GEMIN4: variants seen among roughly 807,000 people sequenced by gnomAD.
GEMIN4 encodes gem nuclear organelle associated protein 4.
In GEMIN4, 59 loss-of-function variants were observed where a neutral mutation model predicts 76.8. That is an observed-to-expected ratio of 0.77 (90% CI 0.62 to 0.95). GEMIN4 has a LOEUF of 0.95. Ranked by LOEUF, GEMIN4 falls within the 40% of genes least tolerant of loss-of-function variation. The probability of loss-of-function intolerance (pLI) is 0.00; values close to 1 mark genes in which losing one functional copy is unlikely to be tolerated. For synonymous variants in GEMIN4, 562 were observed against 559.7 expected, an observed-to-expected ratio of 1.00 and a Z score of -0.06; for missense variants, 1,311 against 1,318.9, an observed-to-expected ratio of 0.99 and a Z score of 0.09.
rs751212548 is a variant in GEMIN4, at chr17:744,919, T to C, written c.3124A>G (p.Ile1042Val). Residue 1042 changes from isoleucine to valine, a missense_variant, in exon 2 of 2, where the codon ATC becomes GTC. Around this residue, in one of 2 missense-constraint regions of GEMIN4, gnomAD observed 1,208 missense variants for 1,166.9 expected, o/e 1.04. Transcript: ENST00000319004. Reference sequence around the variant, plus strand: ...GTTTGGCGCCGTTCTTCAGGGCCGATGCCCTCAGCAATGGACTTTAAGAAG... The same window carrying C: ...GTTTGGCGCCGTTCTTCAGGGCCGACGCCCTCAGCAATGGACTTTAAGAAG... ...QRFLKSIAEG[I>V]GPEERRQTLL... is the part of the protein sequence containing the mutation. 8.1e-6 allele frequency: 13 copies of C among 1,613,688 alleles called. No individual in the cohort carries two copies. In the Admixed American group the frequency reaches 1.2e-4, roughly 14 times the overall value.
upstream of GEMIN4, chr17:752,357 A>AG: frequency 8.9e-7 from 1 of 1,120,960 alleles, no homozygotes; most frequent in East Asian, 3.3e-5. Flanking sequence ...GCCTTCCGGC[A>AG]GAGCCCTCCC....
At chr17:748,205 G>A (rs529306082) in intron 1 of GEMIN4, 173 bp from the exon 2 acceptor site, 12 of 598,724 alleles carry the variant, frequency 2.0e-5, no homozygotes, top group East Asian at 8.5e-5. Flanking sequence ...GGACTTGGCC[G>A]AGGAATCCAG....
rs1904723115 is a variant in GEMIN4 at position 751,920 on chromosome 17, G to A, written c.10+213C>T. 4 of 384,302 alleles carry A rather than the reference G, an allele frequency of 1.0e-5. No homozygotes were observed. In the Admixed American group the frequency reaches 1.8e-4, roughly 17 times the overall value. 23.8% of individuals were successfully genotyped at this position (384,302 alleles called of 1,614,324 possible). ...TGCTCCGTGTTTTCAAGCGCAGGGG[G>A]CCGGAGGCGGCAAGACGCGGCCCAA... On this transcript the variant is annotated intron_variant, in intron 1 of 1. Coordinates refer to ENST00000319004, the MANE Select transcript of GEMIN4 (RefSeq NM_015721.3).
Position 747,522 on chromosome 17 carries a change from G to A in GEMIN4, c.521C>T (p.Pro174Leu), listed in dbSNP as rs368043090. The change falls in exon 2 of 2, where the codon CCG becomes CTG. Residue 174 changes from proline to leucine, a missense_variant. Physicochemically the swap from Pro to Leu is moderately conservative, Grantham distance 98 (BLOSUM62 -3). This residue lies in a region of GEMIN4 where 1,208 missense variants were observed against 1,166.9 expected (regional missense o/e 1.04). Transcript: ENST00000319004. Reference protein sequence around the residue: ...WWEVMKHKGHPQDPLLSQFSA... With the variant: ...WWEVMKHKGHLQDPLLSQFSA... Reference sequence around the variant, plus strand: ...AAACTGGGAGAGCAGGGGGTCCTGCGGGTGACCCTTGTGCTTCATCACCTC... The same window carrying A: ...AAACTGGGAGAGCAGGGGGTCCTGCAGGTGACCCTTGTGCTTCATCACCTC... 29 of 1,613,644 alleles carry A rather than the reference G, an allele frequency of 1.8e-5. No individual in the cohort carries two copies. The highest frequency in any genetic ancestry group is 8.8e-5 in the South Asian group (8 of 91,082).
intron 1 of GEMIN4, among the ~76,000 whole-genome samples, chr17:750,948 C>T (rs1904646086): frequency 6.6e-6 from 1 of 152,234 alleles, no homozygotes; most frequent in African/African-American, 2.4e-5. Context: ...AATATAGTCC[C>T]TCCTGACGCT....
At position 746,293 on chromosome 17, in the gene GEMIN4, C is replaced by G; in HGVS notation, c.1750G>C (p.Ala584Pro). ...THKFLAQILT[A>P]FPALRFVEEQ... is the part of the protein sequence containing the mutation. Reference sequence around the variant, plus strand: ...TCCACAAACCTAAGGGCAGGGAAGGCAGTGAGAATCTGGGCCAGGAACTTG... The same window carrying G: ...TCCACAAACCTAAGGGCAGGGAAGGGAGTGAGAATCTGGGCCAGGAACTTG... The change falls in exon 2 of 2, where the codon GCC (alanine) becomes CCC (proline). Residue 584 changes from alanine to proline, a missense_variant. Ala to Pro is a conservative substitution (Grantham distance 27). Transcript: ENST00000319004. This position sits in a 1 kb window ranked among gnomAD's most constrained non-coding sequence, Gnocchi z 4.3. The G allele has an allele frequency of 6.2e-7, 1 of 1,613,756 alleles. No homozygotes were observed. Among genetic ancestry groups the G allele is most frequent in the Non-Finnish European group, 8.5e-7 (1 of 1,179,890 alleles).
rs750243511 is a variant in GEMIN4 at position 746,155 on chromosome 17, A to C, written c.1888T>G (p.Cys630Gly). The C allele has an allele frequency of 1.2e-6, 2 of 1,613,830 alleles. No individual in the cohort carries two copies. The highest frequency in any genetic ancestry group is 1.1e-5 in the South Asian group (1 of 91,088). The change falls in exon 2 of 2, where the codon TGC becomes GGC. Residue 630 changes from cysteine (C) to glycine (G), a missense_variant. Cys to Gly is a radical substitution (Grantham distance 159). This residue lies in a region of GEMIN4 where 1,208 missense variants were observed against 1,166.9 expected (regional missense o/e 1.04). Coordinates refer to ENST00000319004, the MANE Select transcript of GEMIN4 (RefSeq NM_015721.3). The surrounding 1 kb of genome is among the most constrained non-coding windows in gnomAD (Gnocchi z 4.3). ...TGGGGTTTCACGGGACTCATCAGGC[A>C]GTTCAGGAGCTCTAAAAATTGCTTT... The part of the protein sequence containing the change: ...EEKQFLELLN[C>G]LMSPVKPQGI...
At position 744,799 on chromosome 17, in the gene GEMIN4, C is replaced by T. The variant is rs570053573; in HGVS notation, c.*67G>A. 4.3e-5 allele frequency: 65 copies of T among 1,507,330 alleles called. No individual in the cohort carries two copies. The Admixed American group carries it at 7.3e-4, about 17-fold the overall frequency. The allele number at this position is 1,507,330 out of a possible 1,614,324, so 93.4% of individuals were successfully genotyped here. On this transcript the variant is annotated 3_prime_UTR_variant, in exon 2 of 2. Coordinates refer to ENST00000319004, the MANE Select transcript of GEMIN4 (RefSeq NM_015721.3). ...TGTTGAAGCCCAGCTTTTTCGCTCC[C>T]GCACAGGTAAGAAGCTGCTGATCTT...
chr17:750,641 G>A (rs908781705), intron 1 of GEMIN4, among the ~76,000 whole-genome samples: 6 of 152,142 alleles, frequency 3.9e-5, no homozygotes, highest in Non-Finnish European at 7.3e-5. Context: ...AGTGAGAGAT[G>A]CTACTCCTTC....
chr17:746,041 C>G lies in GEMIN4; in HGVS notation c.2002G>C (p.Asp668His), dbSNP rs1974394651. ...PFLRLDVEEVDLSLRIFIQTL... is the reference protein window; with the variant it reads ...PFLRLDVEEVHLSLRIFIQTL... The stretch of plus-strand genomic sequence containing the variant: ...TGGATGAAGATCCTCAGACTGAGGT[C>G]TACCTCTTCAACATCTAACCTCAAG... Residue 668 changes from aspartate to histidine, a missense_variant, in exon 2 of 2, where the codon GAC becomes CAC. By Grantham distance (81) the Asp-to-His change is moderately conservative. Transcript: ENST00000319004. The surrounding 1 kb of genome is among the most constrained non-coding windows in gnomAD (Gnocchi z 4.3). 1 of 1,613,792 alleles carries G rather than the reference C, an allele frequency of 6.2e-7. No individual in the cohort carries two copies. The highest frequency in any genetic ancestry group is 8.5e-7 in the Non-Finnish European group (1 of 1,179,888).
At chr17:752,601 C>T (rs1193778199), upstream of GEMIN4, 4 of 978,762 alleles carry the variant, frequency 4.1e-6, no homozygotes, top group Non-Finnish European at 4.9e-6. Flanking sequence ...CCCACCCGCC[C>T]AGCTCGCGCC....
Position 745,039 on chromosome 17 carries a change from A to G in GEMIN4, c.3004T>C (p.Tyr1002His), listed in dbSNP as rs61754585. ...GTGAGGGTTTCCAAGGCTAAAACGTAGAGTGGCTCACAGACCTCCGGGTGG... is the reference window on the plus strand; with the variant it reads ...GTGAGGGTTTCCAAGGCTAAAACGTGGAGTGGCTCACAGACCTCCGGGTGG... Reference protein sequence around the residue: ...MLHPEVCEPLYVLALETLTCY... With the variant: ...MLHPEVCEPLHVLALETLTCY... The change falls in exon 2 of 2, where the codon TAC (tyrosine) becomes CAC (histidine). Residue 1002 changes from tyrosine (Y) to histidine (H), a missense_variant. By Grantham distance (83) the Tyr-to-His change is moderately conservative. Around this residue, in one of 2 missense-constraint regions of GEMIN4, gnomAD observed 1,208 missense variants for 1,166.9 expected, o/e 1.04. Transcript: ENST00000319004. The surrounding 1 kb of genome is among the most constrained non-coding windows in gnomAD (Gnocchi z 4.6). 8.7e-4 allele frequency: 1,411 copies of G among 1,613,860 alleles called. 10 individuals are homozygous for G. In the African/African-American group the frequency reaches 0.014, roughly 16 times the overall value.
chr17:746,283 G>A lies in GEMIN4; in HGVS notation c.1760C>T (p.Ala587Val), dbSNP rs1974405399. Reference sequence around the variant, plus strand: ...ACCCTGCTCTTCCACAAACCTAAGGGCAGGGAAGGCAGTGAGAATCTGGGC... The same window carrying A: ...ACCCTGCTCTTCCACAAACCTAAGGACAGGGAAGGCAGTGAGAATCTGGGC... ...FLAQILTAFP[A>V]LRFVEEQGPN... The change falls in exon 2 of 2, where the codon GCC becomes GTC. Residue 587 changes from alanine to valine, a missense_variant. By Grantham distance (64) the Ala-to-Val change is moderately conservative. Around this residue, in one of 2 missense-constraint regions of GEMIN4, gnomAD observed 1,208 missense variants for 1,166.9 expected, o/e 1.04. Coordinates refer to ENST00000319004, the MANE Select transcript of GEMIN4 (RefSeq NM_015721.3). This position sits in a 1 kb window ranked among gnomAD's most constrained non-coding sequence, Gnocchi z 4.3. 1 of 1,613,646 alleles carries A rather than the reference G, an allele frequency of 6.2e-7. No individual in the cohort carries two copies. The highest frequency in any genetic ancestry group is 8.5e-7 in the Non-Finnish European group (1 of 1,179,894).
chr17:745,604 C>G lies in GEMIN4; in HGVS notation c.2439G>C (p.Thr813=). 1 of 1,609,140 alleles carries G rather than the reference C, an allele frequency of 6.2e-7. No individual in the cohort carries two copies. The highest frequency in any genetic ancestry group is 1.1e-5 in the South Asian group (1 of 90,334). The stretch of plus-strand genomic sequence containing the variant: ...AGCACTCCATCCAGGCCAGGAGCCC[C>G]GTGCCAGCCCCGTACCCTGGGTGGG... The part of the protein sequence containing the change: ...SQAHPGYGAG[T]GLLAWMECCC... The change falls in exon 2 of 2, where the codon ACG becomes ACC. Residue 813 remains threonine, a synonymous_variant. Transcript: ENST00000319004. The surrounding 1 kb of genome is among the most constrained non-coding windows in gnomAD (Gnocchi z 4.6).
upstream of GEMIN4, chr17:752,662 G>A: frequency 9.9e-7 from 1 of 1,011,692 alleles, no homozygotes; most frequent in Non-Finnish European, 1.2e-6. Flanking sequence ...CCAGACAGCA[G>A]CGTTCCGGAT....
upstream of GEMIN4, chr17:752,401 G>A (rs1280693793): frequency 5.3e-6 from 4 of 754,010 alleles, no homozygotes; most frequent in Non-Finnish European, 7.2e-6. Context: ...TCGCTCACTA[G>A]ACCCCTCCGC....
intron 1 of GEMIN4, among the ~76,000 whole-genome samples, chr17:750,766 T>C (rs1904633119): frequency 6.6e-6 from 1 of 152,162 alleles, no homozygotes; most frequent in African/African-American, 2.4e-5. Flanking sequence ...CCACCATTTA[T>C]GGGAGCGGCA....
chr17:752,323 C>A, upstream of GEMIN4: 1 of 1,219,918 alleles, frequency 8.2e-7, no homozygotes, highest in Non-Finnish European at 1.0e-6. Context: ...TCCTCACGAA[C>A]GAGCGCGCCA....
chr17:745,488 C>T lies in GEMIN4; in HGVS notation c.2555G>A (p.Gly852Asp). 6.2e-7 allele frequency: 1 copy of T among 1,612,010 alleles called. No homozygotes were observed. The highest frequency in any genetic ancestry group is 8.5e-7 in the Non-Finnish European group (1 of 1,179,838). ...NPEEVRLFSKGFLVALVQVMP... is the reference protein window; with the variant it reads ...NPEEVRLFSKDFLVALVQVMP... ...GACTTGCACCAGGGCCACCAGAAAG[C>T]CTTTGCTGAACAGTCTGACCTCCTC... The change falls in exon 2 of 2, where the codon GGC (glycine) becomes GAC (aspartate). Residue 852 changes from glycine (G) to aspartate (D), a missense_variant. By Grantham distance (94) the Gly-to-Asp change is moderately conservative. Around this residue, in one of 2 missense-constraint regions of GEMIN4, gnomAD observed 1,208 missense variants for 1,166.9 expected, o/e 1.04. Transcript: ENST00000319004. The surrounding 1 kb of genome is among the most constrained non-coding windows in gnomAD (Gnocchi z 4.6).
Sources: allele counts gnomAD v4.1 joint callset (sites outside exome capture counted in the v4.1 genomes callset), GRCh38; gene constraint gnomAD v4.1.1; regional missense constraint gnomAD v4.1.1; non-coding constraint Gnocchi (gnomAD v3.1); transcripts MANE v1.5; gene names NCBI Gene and HGNC (gene_info 2026-07-23, HGNC 2026-07-21).